NUP210L: variants seen among roughly 807,000 people sequenced by gnomAD.
The protein encoded by NUP210L is nuclear pore membrane glycoprotein 210-like.
NUP210L carries 74 observed loss-of-function variants against 208.5 expected under a neutral mutation model. The ratio of observed to expected loss-of-function variants is 0.35; its 90% confidence interval spans 0.29 to 0.43. NUP210L has a LOEUF of 0.43. NUP210L is among the 20% of genes least tolerant of loss of function. The probability of loss-of-function intolerance (pLI) is 1.00; values close to 1 mark genes in which losing one functional copy is unlikely to be tolerated. For synonymous variants in NUP210L, 780 were observed against 816.9 expected (o/e 0.95, Z 0.77); for missense variants, 1,843 against 2,289.4 (o/e 0.81, Z 3.98).
Position 154,022,114 on chromosome 1 carries a change from A to C in NUP210L, c.4516+12T>G. The C allele has an allele frequency of 6.3e-7, 1 of 1,588,920 alleles. No homozygotes were observed. The highest frequency in any genetic ancestry group is 8.6e-7 in the Non-Finnish European group (1 of 1,157,074). On this transcript the variant is annotated intron_variant, in intron 32 of 39. Coordinates refer to ENST00000368559, the Ensembl canonical transcript of NUP210L. The stretch of plus-strand genomic sequence containing the variant: ...ATCAATTGTAAGTTTGAGAAAGGGA[A>C]TGTATACATACCATGCTGGCTGACA...
chr1:154,027,119 A>T (rs926957303), intron 29 of NUP210L, among the ~76,000 whole-genome samples: 5 of 150,748 alleles, frequency 3.3e-5, no homozygotes. Flanking sequence ...AACAAAAAAC[A>T]CAAAACGTTG....
At chr1:154,096,658 G>A (rs753667284) in intron 14 of NUP210L, among the ~76,000 whole-genome samples, 26 of 152,014 alleles carry the variant, frequency 1.7e-4, no homozygotes, top group Non-Finnish European at 1.8e-4. Flanking sequence ...TACTTGGGAG[G>A]CTGAGGCAGG....
chr1:154,054,979 C>A, intron 23 of NUP210L, 147 bp from the exon 24 acceptor site: 1 of 630,174 alleles, frequency 1.6e-6, no homozygotes, highest in Non-Finnish European at 2.9e-6. Flanking sequence ...CAGCTCACTG[C>A]AGCCTTGAAC....
intron 13 of NUP210L, among the ~76,000 whole-genome samples, chr1:154,101,087 G>A (rs1024296685): frequency 2.8e-5 from 4 of 144,406 alleles, no homozygotes; most frequent in Non-Finnish European, 4.5e-5. Flanking sequence ...CAGGAGAATC[G>A]CTTGAACCCA....
chr1:154,126,750 G>A (rs759019288), intron 9 of NUP210L, among the ~76,000 whole-genome samples: 16 of 151,932 alleles, frequency 1.1e-4, no homozygotes, highest in Non-Finnish European at 2.4e-4. Context: ...CAGTTCTCAG[G>A]ATGAAATAAG....
exon 9 of NUP210L, chr1:154,127,360 A>G (rs771055086): frequency 9.3e-6 from 15 of 1,608,500 alleles, no homozygotes; most frequent in Non-Finnish European, 1.2e-5. Flanking sequence ...GTCTACTGTA[A>G]TGACATATAC....
In NUP210L at chr1:154,057,067, C is replaced by T. The variant is rs866051708; in HGVS notation, c.3108-120G>A. 3.3e-5 allele frequency: 29 copies of T among 885,114 alleles called. No homozygotes were observed. The African/African-American group carries it at 3.8e-4, about 12-fold the overall frequency. The allele number at this position is 885,114 out of a possible 1,614,324, so 54.8% of individuals were successfully genotyped here. A position where few individuals can be genotyped will look rare whatever the true frequency, so the allele number is the denominator to read the frequency against. The stretch of plus-strand genomic sequence containing the variant: ...GATCTCAGCTCATTGCAGCCTCAAC[C>T]TCCCAGACTCAATGTATCCTCCCAC... On this transcript the variant is annotated intron_variant, in intron 22 of 39. Transcript: ENST00000368559.
chr1:154,115,214 G>C (rs997146556), intron 12 of NUP210L, among the ~76,000 whole-genome samples: 2 of 152,120 alleles, frequency 1.3e-5, no homozygotes, highest in African/African-American at 2.4e-5. Context: ...TCAGAACAGA[G>C]ACCTTACCAT....
Position 154,085,441 on chromosome 1 carries a change from T to G in NUP210L, c.2361+3980A>C, listed in dbSNP as rs1403420244. On this transcript the variant is annotated intron_variant, in intron 16 of 39. Coordinates refer to ENST00000368559, the Ensembl canonical transcript of NUP210L. ...AATATTTAGGAATAAATCTAATGAG[T>G]GTAAAACTTGTATACTCTAAACAGG... is the stretch of plus-strand genomic sequence containing the variant. Among the ~76,000 whole-genome samples, 4 of 151,876 alleles carry G rather than the reference T, an allele frequency of 2.6e-5. No homozygotes were observed. The East Asian group carries it at 7.7e-4, about 29-fold the overall frequency.
chr1:154,091,071 GTTATTATTA>G (rs111324293), intron 15 of NUP210L, among the ~76,000 whole-genome samples: 2,263 of 140,760 alleles, frequency 0.016, 45 homozygotes, highest in African/African-American at 0.045. Flanking sequence ...TATTATTGCT[GTTATTATTA>G]TTATTATTAT....
chr1:154,004,911 T>A (rs1467801724), intron 35 of NUP210L, among the ~76,000 whole-genome samples: 1 of 146,802 alleles, frequency 6.8e-6, no homozygotes, highest in Non-Finnish European at 1.5e-5. Flanking sequence ...TGGAGTGTAG[T>A]GGCATAATTT....
intron 34 of NUP210L, among the ~76,000 whole-genome samples, chr1:154,010,768 G>A (rs1161846465): frequency 6.6e-6 from 1 of 151,886 alleles, no homozygotes; most frequent in Non-Finnish European, 1.5e-5. Context: ...TACTCGGGAG[G>A]CTGAGGCAGG....
exon 24 of NUP210L, chr1:154,054,799 T>C: frequency 4.3e-6 from 7 of 1,613,612 alleles, no homozygotes; most frequent in Non-Finnish European, 5.9e-6. Flanking sequence ...ATCAGTGTCA[T>C]TTTCTCTGGA....
At chr1:154,015,750 C>CAA (rs59728881) in intron 33 of NUP210L, among the ~76,000 whole-genome samples, 1 of 148,270 alleles carries the variant, frequency 6.7e-6, no homozygotes, top group Non-Finnish European at 1.5e-5. Context: ...CACACACACA[C>CAA]CCCACAGAAT....
chr1:154,023,133 C>CAGAT lies in NUP210L; in HGVS notation c.4283_4286dup (p.Ala1430SerfsTer7). The CAGAT allele has an allele frequency of 1.2e-6, 2 of 1,613,750 alleles. No homozygotes were observed. Among genetic ancestry groups the CAGAT allele is most frequent in the South Asian group, 2.2e-5 (2 of 90,988 alleles). On this transcript the variant is annotated frameshift_variant, in exon 31 of 40. Coordinates refer to ENST00000368559, the Ensembl canonical transcript of NUP210L. LOFTEE classifies it high-confidence loss of function. ...TTTGACTTCCATACCTGTTCAGAGCCAGATAAAGCTGGGTATTGTGTGTGT... is the reference window on the plus strand; with the variant it reads ...TTTGACTTCCATACCTGTTCAGAGCCAGATAGATAAAGCTGGGTATTGTGTGTGT...
Position 154,054,426 on chromosome 1 carries a change from A to C in NUP210L, c.3304-19T>G. 1 of 1,611,716 alleles carries C rather than the reference A, an allele frequency of 6.2e-7. No homozygotes were observed. Among genetic ancestry groups the C allele is most frequent in the Non-Finnish European group, 8.5e-7 (1 of 1,177,880 alleles). ...ACATTACCTGGAATTTAAATATACC[A>C]TTGAATGCCTAGAACATGAGGGAGA... On this transcript the variant is annotated intron_variant, in intron 24 of 39. Coordinates refer to ENST00000368559, the Ensembl canonical transcript of NUP210L.
chr1:154,003,609 C>G (rs891776464), intron 35 of NUP210L, among the ~76,000 whole-genome samples: 1 of 152,088 alleles, frequency 6.6e-6, no homozygotes, highest in Admixed American at 6.6e-5. Context: ...CTCAAGCAAT[C>G]TTCCTGCCTC....
At chr1:154,066,310 C>T (rs1654411261) in intron 17 of NUP210L, among the ~76,000 whole-genome samples, 1 of 152,108 alleles carries the variant, frequency 6.6e-6, no homozygotes, top group African/African-American at 2.4e-5. Flanking sequence ...ACACAAAAAA[C>T]CCTTCAAGAA....
chr1:154,036,520 G>A (rs528418938), intron 27 of NUP210L, among the ~76,000 whole-genome samples: 124 of 147,742 alleles, frequency 8.4e-4, no homozygotes, highest in African/African-American at 2.3e-3. Context: ...GCCCACCACC[G>A]TGCCCAGCTA....
Sources: allele counts gnomAD v4.1 joint callset (sites outside exome capture counted in the v4.1 genomes callset), GRCh38; gene constraint gnomAD v4.1.1; transcripts MANE v1.5; gene names NCBI Gene and HGNC (gene_info 2026-07-23, HGNC 2026-07-21).